Variants in ULK4 observed in about 807,000 individuals in gnomAD.
ULK4 encodes the protein inactive serine/threonine-protein kinase ULK4.
ULK4 carries 133 observed loss-of-function variants against 160.6 expected under a neutral mutation model. The observed-to-expected ratio is 0.83, with a 90% CI of 0.72 to 0.96. The LOEUF is 0.96. ULK4 is among the 40% of genes least tolerant of loss of function. The pLI is 0.00. For synonymous variants in ULK4, 534 were observed against 539.8 expected, an observed-to-expected ratio of 0.99 and a Z score of 0.15; for missense variants, 1,580 against 1,499.5, an observed-to-expected ratio of 1.05 and a Z score of -0.89.
At chr3:41,509,848 G>C (rs2085509882) in intron 32 of ULK4, among the ~76,000 whole-genome samples, 1 of 152,094 alleles carries the variant, frequency 6.6e-6, no homozygotes, top group Admixed American at 6.5e-5. Flanking sequence ...ACAAATCCTT[G>C]AAATACACCA....
chr3:41,445,279 G>A (rs1408805975), intron 34 of ULK4, among the ~76,000 whole-genome samples: 20 of 152,086 alleles, frequency 1.3e-4, no homozygotes, highest in Admixed American at 1.0e-3. Flanking sequence ...AATCAATATC[G>A]TGAAAATGGC....
intron 17 of ULK4, among the ~76,000 whole-genome samples, chr3:41,858,145 T>TGC (rs2042408922): frequency 1.2e-5 from 1 of 80,112 alleles, no homozygotes; most frequent in South Asian, 3.1e-4. Flanking sequence ...TTTTTTTTGT[T>TGC]TGTTTTTTTT....
At chr3:41,383,939 A>AAATATTT (rs2081735997) in intron 35 of ULK4, among the ~76,000 whole-genome samples, 1 of 152,230 alleles carries the variant, frequency 6.6e-6, no homozygotes, top group African/African-American at 2.4e-5. Context: ...ATTAAAATTA[A>AAATATTT]CCACTTTGTT....
intron 35 of ULK4, among the ~76,000 whole-genome samples, chr3:41,308,300 C>T (rs183248564): frequency 9.9e-5 from 15 of 152,058 alleles, no homozygotes; most frequent in Admixed American, 6.6e-5. Context: ...AAACAGCGCA[C>T]GAGGGACACA....
chr3:41,325,055 G>A (rs2080314535), intron 35 of ULK4, among the ~76,000 whole-genome samples: 1 of 152,166 alleles, frequency 6.6e-6, no homozygotes, highest in South Asian at 2.1e-4. Flanking sequence ...AGTAGGGCCT[G>A]TTACGGTGGT....
At position 41,898,207 on chromosome 3, in the gene ULK4, C is replaced by A. The variant is rs117446021; in HGVS notation, c.1348+225G>T. On this transcript the variant is annotated intron_variant, in intron 14 of 36. Coordinates refer to ENST00000301831, the MANE Select transcript of ULK4 (RefSeq NM_017886.4). ...GCCCAGATCTACAGGAACCTCCCCA[C>A]CCACAATAGGACTGGGCAGCCCAGA... Among the ~76,000 whole-genome samples, 336 of 152,282 alleles carry A rather than the reference C, an allele frequency of 2.2e-3. 14 individuals are homozygous for A. The East Asian group carries it at 0.052, about 24-fold the overall frequency.
At chr3:41,649,440 T>C (rs953425458) in intron 30 of ULK4, among the ~76,000 whole-genome samples, 1 of 152,002 alleles carries the variant, frequency 6.6e-6, no homozygotes, top group Non-Finnish European at 1.5e-5. Flanking sequence ...ACCCCTGTGC[T>C]CTCCAGGCCT....
Position 41,913,388 on chromosome 3 carries a change from G to A in ULK4, c.804-489C>T, listed in dbSNP as rs915258114. Among the ~76,000 whole-genome samples, 4 of 152,104 alleles carry A rather than the reference G, an allele frequency of 2.6e-5. No individual in the cohort carries two copies. In the East Asian group the frequency reaches 5.8e-4, roughly 22 times the overall value. ...CTACAGGCGTCCGCCACCACGCCTG[G>A]ATAATTTTTTGTATTTTTAGTAGAG... On this transcript the variant is annotated intron_variant, in intron 8 of 36. Coordinates refer to ENST00000301831, the MANE Select transcript of ULK4 (RefSeq NM_017886.4).
chr3:41,264,572 A>C (rs4973930), intron 35 of ULK4, among the ~76,000 whole-genome samples: 91,036 of 152,080 alleles, frequency 0.6, 28,450 homozygotes, highest in African/African-American at 0.78. Flanking sequence ...CTGCCTCATC[A>C]ACCATATGGA....
chr3:41,911,967 AC>A (rs1265610148), intron 9 of ULK4, among the ~76,000 whole-genome samples: 1 of 152,130 alleles, frequency 6.6e-6, no homozygotes, highest in Non-Finnish European at 1.5e-5. Flanking sequence ...AGCCTGGGCA[AC>A]ATAGTGAGAC....
intron 35 of ULK4, among the ~76,000 whole-genome samples, chr3:41,324,852 T>C (rs2080311401): frequency 6.6e-6 from 1 of 152,210 alleles, no homozygotes; most frequent in South Asian, 2.1e-4. Context: ...TTGGTTTTCT[T>C]GTTTTCCAAC....
intron 7 of ULK4, 37 bp from the exon 8 acceptor site, chr3:41,916,089 T>C (rs763821545): frequency 9.7e-6 from 13 of 1,346,770 alleles, no homozygotes; most frequent in South Asian, 1.3e-5. Context: ...AAATGATAAG[T>C]AGTAAATACA....
intron 17 of ULK4, among the ~76,000 whole-genome samples, chr3:41,840,988 C>T (rs2041903081): frequency 6.6e-6 from 1 of 150,446 alleles, no homozygotes; most frequent in South Asian, 2.1e-4. Context: ...CCTGCTACCA[C>T]CCCGTCTGGG....
In ULK4 at chr3:41,306,633, C is replaced by T. The variant is rs546023536; in HGVS notation, c.3679-57059G>A. On this transcript the variant is annotated intron_variant, in intron 35 of 36. Coordinates refer to ENST00000301831, the MANE Select transcript of ULK4 (RefSeq NM_017886.4). ...GAGCCCCTCTGCCCGGCCACCACCC[C>T]GTCTGGGAGGTGTGCCCAACAGCTC... Among the ~76,000 whole-genome samples, 6 of 152,096 alleles carry T rather than the reference C, an allele frequency of 3.9e-5. No individual in the cohort carries two copies. The East Asian group carries it at 1.2e-3, about 30-fold the overall frequency.
At chr3:41,351,134 T>C (rs1345351236) in intron 35 of ULK4, among the ~76,000 whole-genome samples, 1 of 151,928 alleles carries the variant, frequency 6.6e-6, no homozygotes, top group African/African-American at 2.4e-5. Context: ...TAAGAGTCGT[T>C]TTCTGGAAAG....
intron 29 of ULK4, among the ~76,000 whole-genome samples, chr3:41,671,028 T>C (rs772836201): frequency 1.3e-5 from 2 of 151,990 alleles, no homozygotes; most frequent in Non-Finnish European, 2.9e-5. Context: ...GGAAAAAAGG[T>C]AGAATATGAT....
intron 8 of ULK4, chr3:41,914,711 T>C (rs2148807121): frequency 6.6e-6 from 1 of 152,324 alleles, no homozygotes; most frequent in Admixed American, 6.5e-5. Context: ...ATATACGTTC[T>C]ACAGCCATTT....
At chr3:41,809,772 T>G (rs2040762912) in intron 19 of ULK4, among the ~76,000 whole-genome samples, 1 of 152,210 alleles carries the variant, frequency 6.6e-6, no homozygotes, top group Non-Finnish European at 1.5e-5. Context: ...CCTACCAATA[T>G]AATCTTTTTT....
At chr3:41,828,181 C>T (rs1210887335) in intron 18 of ULK4, among the ~76,000 whole-genome samples, 1 of 144,476 alleles carries the variant, frequency 6.9e-6, no homozygotes, top group African/African-American at 2.6e-5. Flanking sequence ...GACAAACCCA[C>T]AGCCAATATC....
Sources: allele counts gnomAD v4.1 joint callset (sites outside exome capture counted in the v4.1 genomes callset), GRCh38; gene constraint gnomAD v4.1.1; transcripts MANE v1.5; gene names NCBI Gene and HGNC (gene_info 2026-07-23, HGNC 2026-07-21).